The following MYOM2 variants were observed in gnomAD, a reference collection of about 807,000 sequenced individuals.
MYOM2 encodes the protein myomesin 2.
A neutral mutation model predicts 187.6 loss-of-function variants in MYOM2; 254 were observed. That is an observed-to-expected ratio of 1.35 (90% CI 1.22 to 1.50). MYOM2 has a LOEUF of 1.50. Ranked by LOEUF, MYOM2 falls within the 40% of genes most tolerant of loss-of-function variation. MYOM2 has a pLI of 0.00. For missense variants in MYOM2, 2,796 were observed against 1,924.0 expected (o/e 1.45, Z -8.48); for synonymous variants, 981 against 753.8 (o/e 1.30, Z -4.94).
At chr8:2,124,271 T>G in intron 31 of MYOM2, 54 bp downstream of exon 31, 1 of 1,537,022 alleles carries the variant, frequency 6.5e-7, no homozygotes, top group Non-Finnish European at 9.0e-7. Flanking sequence ...AATCACTATT[T>G]CCTGACACGG....
intron 13 of MYOM2, 181 bp from the exon 14 acceptor site, chr8:2,085,082 A>G: frequency 4.6e-6 from 3 of 653,044 alleles, no homozygotes; most frequent in Non-Finnish European, 5.1e-6. Flanking sequence ...TAACTGGCTG[A>G]TCTTTATTGG....
At chr8:2,140,012 C>A (rs1301168040) in intron 32 of MYOM2, among the ~76,000 whole-genome samples, 1 of 152,126 alleles carries the variant, frequency 6.6e-6, no homozygotes, top group Non-Finnish European at 1.5e-5. Flanking sequence ...ACCACCACCA[C>A]CCAGGACCTT....
intron 21 of MYOM2, 107 bp from the exon 22 acceptor site, chr8:2,106,135 T>C: frequency 9.0e-7 from 1 of 1,110,068 alleles, no homozygotes. Flanking sequence ...CAATTTGAGA[T>C]GAGATTTGGG....
intron 27 of MYOM2, among the ~76,000 whole-genome samples, chr8:2,116,773 T>C (rs1226234353): frequency 6.6e-6 from 1 of 152,222 alleles, no homozygotes; most frequent in Non-Finnish European, 1.5e-5. Context: ...TTTTTTCTTT[T>C]TTGAGATGGA....
rs144210140 is a variant in MYOM2, at chr8:2,141,796, A to G, written c.4002-579A>G. ...GGCTGGACTTAGGCGGTTTCTAATC[A>G]AGGAAGACTTAAAATGGCGATGCTA... On this transcript the variant is annotated intron_variant, in intron 34 of 36. Transcript: ENST00000262113. Among the ~76,000 whole-genome samples the G allele has an allele frequency of 4.7e-3, 720 of 152,290 alleles. 14 individuals are homozygous for G. Among genetic ancestry groups the G allele is most frequent in the East Asian group, 0.045 (232 of 5,162 alleles).
chr8:2,086,842 T>G (rs1405616303), intron 14 of MYOM2, among the ~76,000 whole-genome samples: 1 of 152,124 alleles, frequency 6.6e-6, no homozygotes, highest in African/African-American at 2.4e-5. Flanking sequence ...TGGCCATGCT[T>G]GTGCACAAGC....
intron 19 of MYOM2, among the ~76,000 whole-genome samples, chr8:2,099,273 C>A (rs995366271): frequency 2.6e-5 from 4 of 152,228 alleles, no homozygotes; most frequent in Admixed American, 6.5e-5. Flanking sequence ...GGGAGAGGGA[C>A]AGCTTCCCAT....
rs2116782913 is a variant in MYOM2 at position 2,102,077 on chromosome 8, A to G, written c.2620-590A>G. Reference sequence around the variant, plus strand: ...AAGCACAGCCACGTCTGGGTCCGGCACCTGAGCACAGGCTGAGAGGGCCTT... The same window carrying G: ...AAGCACAGCCACGTCTGGGTCCGGCGCCTGAGCACAGGCTGAGAGGGCCTT... On this transcript the variant is annotated intron_variant, in intron 20 of 36. Coordinates refer to ENST00000262113, the MANE Select transcript of MYOM2 (RefSeq NM_003970.4). 2.0e-5 allele frequency: 3 copies of G among 152,428 alleles called. No homozygotes were observed. The South Asian group carries it at 6.2e-4, about 32-fold the overall frequency. 9.4% of individuals were successfully genotyped at this position (152,428 alleles called of 1,614,324 possible).
At chr8:2,137,340 G>A (rs879294558) in intron 32 of MYOM2, among the ~76,000 whole-genome samples, 1 of 151,954 alleles carries the variant, frequency 6.6e-6, no homozygotes, top group South Asian at 2.1e-4. Flanking sequence ...AGCATTTCGT[G>A]CAGGATGCAA....
intron 11 of MYOM2, 78 bp downstream of exon 11, chr8:2,076,360 T>C: frequency 6.6e-7 from 1 of 1,525,028 alleles, no homozygotes; most frequent in Non-Finnish European, 8.8e-7. Context: ...GAGAAATTTT[T>C]CTCAATGCAG....
In MYOM2 at chr8:2,085,292, G is replaced by T; in HGVS notation, c.1546G>T (p.Gly516Cys). The T allele has an allele frequency of 4.3e-6, 7 of 1,614,138 alleles. No homozygotes were observed. The highest frequency in any genetic ancestry group is 1.3e-5 in the African/African-American group (1 of 75,044). The change falls in exon 14 of 37, where the codon GGT becomes TGT. Residue 516 changes from glycine to cysteine, a missense_variant. Coordinates refer to ENST00000262113, the MANE Select transcript of MYOM2 (RefSeq NM_003970.4). ...CGCCCAGGTTCCAGGGCCTCCCACC[G>T]GTGTGCACGCTTCCGAGATCAGCAG... is the stretch of plus-strand genomic sequence containing the variant. Reference protein sequence around the residue: ...GDAQVPGPPTGVHASEISRNY... With the variant: ...GDAQVPGPPTCVHASEISRNY...
intron 13 of MYOM2, among the ~76,000 whole-genome samples, chr8:2,084,002 T>C (rs1291061347): frequency 6.6e-6 from 1 of 152,252 alleles, no homozygotes; most frequent in African/African-American, 2.4e-5. Context: ...GCTGCTTCTG[T>C]TCATTGCCTT....
Position 2,098,865 on chromosome 8 carries a change from C to T in MYOM2, c.2322C>T (p.Gly774=), listed in dbSNP as rs751363194. Residue 774 remains glycine, a synonymous_variant, in exon 19 of 37, where the codon GGC becomes GGT. Transcript: ENST00000262113. ...AAACAAAATCTGAATAGGTGGACGG[C>T]TTGACGGAAGGCTCACTCTACGAGT... The part of the protein sequence containing the change: ...PSKPTILTVD[G]LTEGSLYEFK... The T allele has an allele frequency of 3.1e-6, 5 of 1,611,594 alleles. No individual in the cohort carries two copies. The highest frequency in any genetic ancestry group is 4.2e-6 in the Non-Finnish European group (5 of 1,178,294).
At chr8:2,045,609 G>A (rs1038961615) in intron 1 of MYOM2, among the ~76,000 whole-genome samples, 1 of 152,224 alleles carries the variant, frequency 6.6e-6, no homozygotes, top group Admixed American at 6.5e-5. Flanking sequence ...AAAAAGAGTC[G>A]AGGGTCATTC....
At chr8:2,059,905 G>A (rs550778269) in intron 6 of MYOM2, among the ~76,000 whole-genome samples, 16 of 152,152 alleles carry the variant, frequency 1.1e-4, no homozygotes, top group Admixed American at 3.3e-4. Context: ...ATCACGCCCA[G>A]CTAATTTTGT....
chr8:2,112,783 A>T (rs1216446800), intron 25 of MYOM2, among the ~76,000 whole-genome samples: 3 of 152,244 alleles, frequency 2.0e-5, no homozygotes, highest in East Asian at 3.9e-4. Flanking sequence ...CACGTGATTT[A>T]TCAGAAGAAG....
chr8:2,098,863 G>T lies in MYOM2; in HGVS notation c.2320G>T (p.Gly774Cys). 2 of 1,611,228 alleles carry T rather than the reference G, an allele frequency of 1.2e-6. No homozygotes were observed. The highest frequency in any genetic ancestry group is 2.2e-5 in the South Asian group (2 of 90,778). Residue 774 changes from glycine to cysteine, a missense_variant, in exon 19 of 37, where the codon GGC becomes TGC. By Grantham distance (159) the Gly-to-Cys change is radical. Coordinates refer to ENST00000262113, the MANE Select transcript of MYOM2 (RefSeq NM_003970.4). The stretch of plus-strand genomic sequence containing the variant: ...TTAAACAAAATCTGAATAGGTGGAC[G>T]GCTTGACGGAAGGCTCACTCTACGA... ...PSKPTILTVD[G>C]LTEGSLYEFK...
chr8:2,134,932 C>T (rs1585971272), intron 32 of MYOM2, among the ~76,000 whole-genome samples: 3 of 152,116 alleles, frequency 2.0e-5, no homozygotes, highest in African/African-American at 4.8e-5. Flanking sequence ...CAGGGAGCCG[C>T]GGGTCTTACA....
chr8:2,052,181 C>T lies in MYOM2; in HGVS notation c.131C>T (p.Ser44Phe), dbSNP rs1293092239. 1 of 1,613,594 alleles carries T rather than the reference C, an allele frequency of 6.2e-7. No homozygotes were observed. The highest frequency in any genetic ancestry group is 8.5e-7 in the Non-Finnish European group (1 of 1,179,804). ...SKKRASTQAS[S>F]QKSLSQRSSS... The stretch of plus-strand genomic sequence containing the variant: ...AGGCGAGCTTCCACCCAGGCATCTT[C>T]CCAGAAGTCCTTGAGTCAGCGGTCG... Residue 44 changes from serine to phenylalanine, a missense_variant, in exon 3 of 37, where the codon TCC becomes TTC. By Grantham distance (155) the Ser-to-Phe change is radical. Coordinates refer to ENST00000262113, the MANE Select transcript of MYOM2 (RefSeq NM_003970.4).
Sources: gnomAD v4.1 joint callset for allele counts (sites outside exome capture counted in the v4.1 genomes callset) on GRCh38, gnomAD v4.1.1 for gene constraint, MANE v1.5 for transcripts, NCBI Gene and HGNC (gene_info 2026-07-23, HGNC 2026-07-21) for gene names.